Variants in ROCK2 observed in about 807,000 individuals in gnomAD.
The protein encoded by ROCK2 is Rho associated coiled-coil containing protein kinase 2, also known as rho-associated protein kinase 2.
Under a neutral mutation model 195.1 loss-of-function variants are expected in ROCK2, and 61 were observed. That is an observed-to-expected ratio of 0.31 (90% CI 0.25 to 0.39). The LOEUF (loss-of-function observed/expected upper bound fraction) is 0.39, where lower values mean the gene tolerates loss of function less well. Among genes scored for constraint, ROCK2 ranks in the 10% least tolerant of loss-of-function variants. The pLI, the probability that ROCK2 is intolerant of heterozygous loss-of-function variation, is 1.00. For synonymous variants in ROCK2, 504 were observed against 545.5 expected, an observed-to-expected ratio of 0.92 and a Z score of 1.06; for missense variants, 1,109 against 1,637.4, an observed-to-expected ratio of 0.68 and a Z score of 5.57.
At position 11,212,267 on chromosome 2, in the gene ROCK2, C is replaced by T. The variant is rs1025329599; in HGVS notation, c.2044-427G>A. The stretch of plus-strand genomic sequence containing the variant: ...CTAGAATGTTCAGTATTTCCCCTCC[C>T]GTCTTCACTCAAACCTTTTAGAATA... On this transcript the variant is annotated intron_variant, in intron 17 of 32. Transcript: ENST00000315872. 1.3e-4 allele frequency among the ~76,000 whole-genome samples: 20 copies of T among 152,084 alleles called. No individual in the cohort carries two copies. The Middle Eastern group carries it at 0.014, about 103-fold the overall frequency.
chr2:11,312,141 T>C (rs1269042491), intron 1 of ROCK2, among the ~76,000 whole-genome samples: 1 of 152,212 alleles, frequency 6.6e-6, no homozygotes. Context: ...AAGTACTACA[T>C]AGGTGAAATT....
chr2:11,217,074 TA>T lies in ROCK2; in HGVS notation c.1412+15del. ...TAAATTTTATAATGTAATATTTAAT[TA>T]TCTACAAAACATACTTGCACTTCTG... On this transcript the variant is annotated intron_variant, in intron 12 of 32. Transcript: ENST00000315872. 7.6e-7 allele frequency: 1 copy of T among 1,322,340 alleles called. No homozygotes were observed. Among genetic ancestry groups the T allele is most frequent in the Non-Finnish European group, 1.1e-6 (1 of 927,978 alleles). The allele number at this position is 1,322,340 out of a possible 1,614,324, so 81.9% of individuals were successfully genotyped here. A position where few individuals can be genotyped will look rare whatever the true frequency, so the allele number is the denominator to read the frequency against.
chr2:11,302,007 T>C (rs1041915531), intron 1 of ROCK2, among the ~76,000 whole-genome samples: 3 of 151,776 alleles, frequency 2.0e-5, no homozygotes, highest in African/African-American at 7.3e-5. Context: ...GTTTTCACCA[T>C]GTTGACTAGG....
chr2:11,322,112 G>T (rs1668417893), intron 1 of ROCK2, among the ~76,000 whole-genome samples: 1 of 152,028 alleles, frequency 6.6e-6, no homozygotes, highest in Non-Finnish European at 1.5e-5. Flanking sequence ...AACCTCAGAA[G>T]AAACCAAACC....
At position 11,192,775 on chromosome 2, in the gene ROCK2, T is replaced by A; in HGVS notation, c.3688-63A>T. ...ATGCTATTTTTTTATGTAGGAACAA[T>A]TCTGATAGTGTAAGTAAAATAAAAT... On this transcript the variant is annotated intron_variant, in intron 30 of 32. Coordinates refer to ENST00000315872, the MANE Select transcript of ROCK2 (RefSeq NM_004850.5). The surrounding 1 kb of genome is among the most constrained non-coding windows in gnomAD (Gnocchi z 5.0). 6.7e-7 allele frequency: 1 copy of A among 1,497,948 alleles called. No individual in the cohort carries two copies. Among genetic ancestry groups the A allele is most frequent in the South Asian group, 1.3e-5 (1 of 77,062 alleles). The allele number at this position is 1,497,948 out of a possible 1,614,324, so 92.8% of individuals were successfully genotyped here.
intron 1 of ROCK2, among the ~76,000 whole-genome samples, chr2:11,335,180 T>A (rs1326149782): frequency 2.7e-5 from 4 of 147,996 alleles, no homozygotes; most frequent in East Asian, 2.0e-4. Context: ...AGGCGGGGAA[T>A]GAGAGAAATG....
At chr2:11,203,318 T>C (rs1398035934) in intron 20 of ROCK2, among the ~76,000 whole-genome samples, 1 of 152,006 alleles carries the variant, frequency 6.6e-6, no homozygotes, top group African/African-American at 2.4e-5. Flanking sequence ...AAAAATAGAA[T>C]CAAATGTACA....
At chr2:11,198,870 A>T in intron 23 of ROCK2, 96 bp from the exon 24 acceptor site, 2 of 713,244 alleles carry the variant, frequency 2.8e-6, no homozygotes, top group Non-Finnish European at 4.4e-6. Context: ...ATATTGTTAA[A>T]CCTCTTATTT....
In ROCK2 at chr2:11,197,661, G is replaced by C; in HGVS notation, c.3144C>G (p.Val1048=). ...LAEIMNRKEP[V]KRGNDTDVRR... is the part of the protein sequence containing the mutation. ...GCACATCTGTGTCATTACCACGCTT[G>C]ACAGGTTCTTTTCGATTCATGATCT... The change falls in exon 26 of 33, where the codon GTC becomes GTG. Residue 1048 remains valine, a synonymous_variant. Coordinates refer to ENST00000315872, the MANE Select transcript of ROCK2 (RefSeq NM_004850.5). This position sits in a 1 kb window ranked among gnomAD's most constrained non-coding sequence, Gnocchi z 4.9. 6.2e-7 allele frequency: 1 copy of C among 1,604,284 alleles called. No individual in the cohort carries two copies. The highest frequency in any genetic ancestry group is 8.5e-7 in the Non-Finnish European group (1 of 1,175,176).
intron 2 of ROCK2, 33 bp from the exon 3 acceptor site, chr2:11,286,672 C>A (rs757556718): frequency 2.7e-6 from 3 of 1,094,030 alleles, no homozygotes; most frequent in South Asian, 3.0e-5. Flanking sequence ...CTTATAATAT[C>A]AATCATATTT....
intron 1 of ROCK2, among the ~76,000 whole-genome samples, chr2:11,319,982 T>C (rs1288747405): frequency 6.6e-6 from 1 of 152,170 alleles, no homozygotes; most frequent in Non-Finnish European, 1.5e-5. Flanking sequence ...CCAATGATAA[T>C]CAGGGACCTA....
At chr2:11,299,983 A>G (rs1667655481) in intron 1 of ROCK2, among the ~76,000 whole-genome samples, 1 of 152,150 alleles carries the variant, frequency 6.6e-6, no homozygotes. Context: ...CTCCCCTATA[A>G]AGAATGATGA....
chr2:11,323,863 A>G (rs576144155), intron 1 of ROCK2, among the ~76,000 whole-genome samples: 2 of 152,160 alleles, frequency 1.3e-5, no homozygotes, highest in South Asian at 4.1e-4. Flanking sequence ...CCCAAAGTCT[A>G]TAGTTACCGT....
intron 1 of ROCK2, among the ~76,000 whole-genome samples, chr2:11,310,071 G>A (rs561424184): frequency 2.6e-4 from 40 of 152,262 alleles, no homozygotes; most frequent in East Asian, 9.6e-4. Flanking sequence ...ATAAAATTAC[G>A]TAAAATAAAA....
At chr2:11,295,792 A>G (rs1667492219) in intron 1 of ROCK2, among the ~76,000 whole-genome samples, 1 of 152,022 alleles carries the variant, frequency 6.6e-6, no homozygotes, top group African/African-American at 2.4e-5. Flanking sequence ...CCCCGTCTCT[A>G]CTAAAAATAC....
intron 11 of ROCK2, 82 bp from the exon 12 acceptor site, chr2:11,217,251 A>C: frequency 1.3e-6 from 1 of 773,306 alleles, no homozygotes; most frequent in Non-Finnish European, 2.4e-6. Context: ...TGATAAGCTT[A>C]TTTTGTCTTT....
chr2:11,258,570 G>T (rs1387197687), intron 3 of ROCK2, among the ~76,000 whole-genome samples: 3 of 151,478 alleles, frequency 2.0e-5, no homozygotes, highest in African/African-American at 7.4e-5. Context: ...AAAGTGTGGA[G>T]AGAGCCTATG....
intron 5 of ROCK2, among the ~76,000 whole-genome samples, chr2:11,233,023 A>C (rs1231280304): frequency 6.6e-6 from 1 of 151,938 alleles, no homozygotes; most frequent in African/African-American, 2.4e-5. Context: ...AGATCAGCCT[A>C]GGCAACATAG....
chr2:11,231,307 G>T (rs999940616), intron 5 of ROCK2, among the ~76,000 whole-genome samples: 1 of 151,810 alleles, frequency 6.6e-6, no homozygotes, highest in African/African-American at 2.4e-5. Flanking sequence ...GGGTTCAAGC[G>T]ATTCTCCTGC....
Sources: gnomAD v4.1 joint callset for allele counts (sites outside exome capture counted in the v4.1 genomes callset) on GRCh38, gnomAD v4.1.1 for gene constraint, Gnocchi (gnomAD v3.1) non-coding constraint, MANE v1.5 for transcripts, NCBI Gene and HGNC (gene_info 2026-07-23, HGNC 2026-07-21) for gene names.